Variants in EFNA5 observed in about 807,000 individuals in gnomAD.
EFNA5 encodes ephrin-A5.
A neutral mutation model predicts 22.9 loss-of-function variants in EFNA5; 5 were observed. The ratio of observed to expected loss-of-function variants is 0.22; its 90% CI spans 0.11 to 0.46. The LOEUF is 0.46. Ranked by LOEUF, EFNA5 falls within the 20% of genes least tolerant of loss-of-function variation. The pLI is 0.99. For synonymous variants in EFNA5, 113 were observed against 112.2 expected (o/e 1.01, Z -0.04); for missense variants, 237 against 293.3 (o/e 0.81, Z 1.40).
rs1472149745 is a variant in EFNA5 at position 107,377,498 on chromosome 5, T to A, written c.*3757A>T. On this transcript the variant is annotated 3_prime_UTR_variant, in exon 5 of 5. Coordinates refer to ENST00000333274, the MANE Select transcript of EFNA5 (RefSeq NM_001962.3). Reference sequence around the variant, plus strand: ...TGACCACAACTCTGAGAGCAATGAATGGAAAGGAGGAGTTGAAAACTGTTT... The same window carrying A: ...TGACCACAACTCTGAGAGCAATGAAAGGAAAGGAGGAGTTGAAAACTGTTT... The A allele has an allele frequency of 1.3e-5, 2 of 152,172 alleles. No individual in the cohort carries two copies. The highest frequency in any genetic ancestry group is 2.9e-5 in the Non-Finnish European group (2 of 68,040). 9.4% of individuals were successfully genotyped at this position (152,172 alleles called of 1,614,324 possible). A position where few individuals can be genotyped will look rare whatever the true frequency, so the allele number is the denominator to read the frequency against.
intron 1 of EFNA5, among the ~76,000 whole-genome samples, chr5:107,442,275 T>C (rs1749277166): frequency 6.6e-6 from 1 of 152,218 alleles, no homozygotes; most frequent in South Asian, 2.1e-4. Flanking sequence ...AAATAAAGTT[T>C]GAGCCATCAT....
At chr5:107,392,289 A>C (rs758075993) in intron 2 of EFNA5, among the ~76,000 whole-genome samples, 2 of 152,130 alleles carry the variant, frequency 1.3e-5, no homozygotes, top group African/African-American at 2.4e-5. Context: ...AACATGGCAA[A>C]AGTGATGGGA....
chr5:107,413,291 T>C (rs1345052202), intron 2 of EFNA5, among the ~76,000 whole-genome samples: 3 of 152,182 alleles, frequency 2.0e-5, no homozygotes, highest in Non-Finnish European at 2.9e-5. Flanking sequence ...ATGACTGTTG[T>C]CTAACCCAAT....
At chr5:107,565,693 G>A (rs538602668) in intron 1 of EFNA5, among the ~76,000 whole-genome samples, 1 of 152,210 alleles carries the variant, frequency 6.6e-6, no homozygotes, top group East Asian at 1.9e-4. Context: ...ACAAAAGCCT[G>A]CAAGAAAACT....
Position 107,669,503 on chromosome 5 carries a change from C to G in EFNA5, c.125+986G>C, listed in dbSNP as rs548892467. ...TAAAGGTTCGGAACTGCTCCAGACC[C>G]GGAGGACCCCGCCGGGCACTCTGGA... On this transcript the variant is annotated intron_variant, in intron 1 of 4. Transcript: ENST00000333274. Among the ~76,000 whole-genome samples the G allele has an allele frequency of 3.8e-3, 578 of 152,178 alleles. 3 individuals are homozygous for G. The highest frequency in any genetic ancestry group is 6.6e-3 in the Admixed American group (101 of 15,298).
chr5:107,670,676 G>T lies in EFNA5; in HGVS notation c.-63C>A, dbSNP rs1182382386. The stretch of plus-strand genomic sequence containing the variant: ...CCGGGGAGAGAGCGGGGATCCGGAG[G>T]GAGGGAGGCAGGCAAAGGGACAGAG... On this transcript the variant is annotated 5_prime_UTR_variant, in exon 1 of 5. Coordinates refer to ENST00000333274, the MANE Select transcript of EFNA5 (RefSeq NM_001962.3). The T allele has an allele frequency of 1.6e-4, 250 of 1,567,538 alleles. No individual in the cohort carries two copies. The highest frequency in any genetic ancestry group is 3.1e-5 in the Non-Finnish European group (36 of 1,157,710).
At chr5:107,664,687 A>AT (rs1431830993) in intron 1 of EFNA5, among the ~76,000 whole-genome samples, 12 of 152,222 alleles carry the variant, frequency 7.9e-5, no homozygotes, top group South Asian at 6.2e-4. Context: ...TCAAAGGGCA[A>AT]TTTTTTTCCT....
chr5:107,663,602 A>C (rs1751010859), intron 1 of EFNA5, among the ~76,000 whole-genome samples: 1 of 152,144 alleles, frequency 6.6e-6, no homozygotes, highest in African/African-American at 2.4e-5. Context: ...CTAAGAATCC[A>C]ATCATAAAAC....
chr5:107,489,909 G>A (rs1746755514), intron 1 of EFNA5, among the ~76,000 whole-genome samples: 1 of 152,156 alleles, frequency 6.6e-6, no homozygotes, highest in Non-Finnish European at 1.5e-5. Context: ...TGAAACAGCT[G>A]GACTTAGTTC....
At chr5:107,660,261 CATATATATATATATATATATATATAT>C (rs56838945) in intron 1 of EFNA5, among the ~76,000 whole-genome samples, 964 of 52,452 alleles carry the variant, frequency 0.018, 58 homozygotes, top group African/African-American at 0.051. Flanking sequence ...ATGGCAAAAA[CATATATATATATATATATATATATAT>C]ATATATATAT....
intron 1 of EFNA5, among the ~76,000 whole-genome samples, chr5:107,666,639 C>A (rs557254256): frequency 3.4e-4 from 51 of 152,212 alleles, no homozygotes; most frequent in African/African-American, 1.2e-3. Context: ...AGAAGCAAAG[C>A]ACCAGGTTGA....
intron 1 of EFNA5, among the ~76,000 whole-genome samples, chr5:107,641,420 C>T (rs756309433): frequency 2.1e-4 from 32 of 151,752 alleles, no homozygotes; most frequent in Non-Finnish European, 3.5e-4. Flanking sequence ...TTCCTTGTGT[C>T]GGAGAAAATG....
chr5:107,574,382 TA>T (rs1748881184), intron 1 of EFNA5, among the ~76,000 whole-genome samples: 2 of 151,876 alleles, frequency 1.3e-5, no homozygotes, highest in African/African-American at 2.4e-5. Flanking sequence ...AATCATTCAA[TA>T]AGCTCTGACT....
At chr5:107,658,677 T>A (rs1205574196) in intron 1 of EFNA5, among the ~76,000 whole-genome samples, 1 of 152,116 alleles carries the variant, frequency 6.6e-6, no homozygotes, top group Non-Finnish European at 1.5e-5. Flanking sequence ...CCACTTAATT[T>A]TATCTAGAAC....
At chr5:107,576,607 CT>C (rs1174494025) in intron 1 of EFNA5, among the ~76,000 whole-genome samples, 1 of 152,186 alleles carries the variant, frequency 6.6e-6, no homozygotes, top group Non-Finnish European at 1.5e-5. Flanking sequence ...GAAATAAAGG[CT>C]GTATACATGA....
chr5:107,662,728 A>G (rs1004738188), intron 1 of EFNA5, among the ~76,000 whole-genome samples: 1 of 150,738 alleles, frequency 6.6e-6, no homozygotes, highest in African/African-American at 2.4e-5. Flanking sequence ...TCATATTTAG[A>G]GGTACCTATA....
At chr5:107,480,481 G>A (rs1750428482) in intron 1 of EFNA5, among the ~76,000 whole-genome samples, 1 of 152,222 alleles carries the variant, frequency 6.6e-6, no homozygotes, top group East Asian at 1.9e-4. Context: ...TAGAGTTCAA[G>A]TTCCTAAAAA....
At chr5:107,426,971 T>A in intron 2 of EFNA5, 2 of 417,224 alleles carry the variant, frequency 4.8e-6, no homozygotes, top group Non-Finnish European at 8.5e-6. Context: ...TTAAAAAAAA[T>A]ACAAGTCAGC....
At chr5:107,620,817 G>A (rs1750017920) in intron 1 of EFNA5, among the ~76,000 whole-genome samples, 3 of 152,162 alleles carry the variant, frequency 2.0e-5, no homozygotes, top group Admixed American at 1.3e-4. Flanking sequence ...TAAGTACTAC[G>A]ATAATGGAGT....
Sources: allele counts gnomAD v4.1 joint callset (sites outside exome capture counted in the v4.1 genomes callset), GRCh38; gene constraint gnomAD v4.1.1; transcripts MANE v1.5; gene names NCBI Gene and HGNC (gene_info 2026-07-23, HGNC 2026-07-21).